Variants in AK5 observed in about 807,000 individuals in gnomAD.
The protein encoded by AK5 is adenylate kinase 5.
Under a neutral mutation model 69.5 loss-of-function variants are expected in AK5, and 27 were observed. The observed-to-expected ratio is 0.39, with a 90% CI of 0.29 to 0.54. AK5 has a LOEUF of 0.54. Among genes scored for constraint, AK5 ranks in the 20% least tolerant of loss-of-function variants. AK5 has a pLI of 0.71. For synonymous variants in AK5, 260 were observed against 244.4 expected (o/e 1.06, Z -0.60); for missense variants, 531 against 700.4 (o/e 0.76, Z 2.73).
At chr1:77,428,669 TG>T (rs1376505812) in intron 8 of AK5, among the ~76,000 whole-genome samples, 1 of 152,178 alleles carries the variant, frequency 6.6e-6, no homozygotes, top group Non-Finnish European at 1.5e-5. Flanking sequence ...TAGTTACGTA[TG>T]TATACATGTG....
At chr1:77,331,437 A>G (rs892299799) in intron 5 of AK5, among the ~76,000 whole-genome samples, 5 of 152,188 alleles carry the variant, frequency 3.3e-5, no homozygotes, top group African/African-American at 1.2e-4. Context: ...GTTAAATATT[A>G]CCAAAGCTTT....
chr1:77,322,496 A>G (rs977520178), intron 5 of AK5, among the ~76,000 whole-genome samples: 2 of 152,210 alleles, frequency 1.3e-5, no homozygotes, highest in Admixed American at 1.3e-4. Flanking sequence ...TTTCTCAATC[A>G]ACTGATGCCA....
chr1:77,518,491 C>T (rs559890085), intron 10 of AK5, 73 bp from the exon 11 acceptor site: 35 of 1,504,114 alleles, frequency 2.3e-5, no homozygotes, highest in Non-Finnish European at 3.1e-5. Flanking sequence ...GAGGCTTGCT[C>T]ACCATGGTGA....
At chr1:77,359,305 A>G (rs2100432893) in intron 6 of AK5, among the ~76,000 whole-genome samples, 1 of 152,232 alleles carries the variant, frequency 6.6e-6, no homozygotes, top group African/African-American at 2.4e-5. Context: ...CTATTAATTT[A>G]TGTTATAGAA....
intron 6 of AK5, among the ~76,000 whole-genome samples, chr1:77,344,507 A>G (rs929891178): frequency 2.6e-5 from 4 of 152,150 alleles, no homozygotes; most frequent in Admixed American, 6.6e-5. Context: ...TAGTTTAGAT[A>G]TTGCTGGATC....
intron 8 of AK5, among the ~76,000 whole-genome samples, chr1:77,420,641 TA>T (rs1650745745): frequency 6.6e-6 from 1 of 152,184 alleles, no homozygotes; most frequent in African/African-American, 2.4e-5. Context: ...CCCAAGACCA[TA>T]AAGCTAGCAA....
intron 6 of AK5, among the ~76,000 whole-genome samples, chr1:77,361,509 T>A (rs1224923442): frequency 6.6e-6 from 1 of 152,206 alleles, no homozygotes; most frequent in Non-Finnish European, 1.5e-5. Context: ...TGAAATAATA[T>A]GTATAAAGCA....
intron 6 of AK5, 92 bp from the exon 7 acceptor site, chr1:77,410,889 A>G: frequency 1.1e-6 from 1 of 923,206 alleles, no homozygotes; most frequent in Non-Finnish European, 1.7e-6. Context: ...TTCATTAGAG[A>G]TACAGTTGTG....
Position 77,300,636 on chromosome 1 carries a change from C to T in AK5, c.699+2689C>T, listed in dbSNP as rs139854688. The stretch of plus-strand genomic sequence containing the variant: ...CAGTTCTCCAATTCTCCAACACCAA[C>T]TGGGTGCCTAAGAATTCAGTTCAAC... On this transcript the variant is annotated intron_variant, in intron 5 of 13. Transcript: ENST00000354567. 6.0e-3 allele frequency among the ~76,000 whole-genome samples: 921 copies of T among 152,296 alleles called. 12 individuals are homozygous for T. The highest frequency in any genetic ancestry group is 0.021 in the African/African-American group (876 of 41,562).
rs556833927 is a variant in AK5, at chr1:77,425,321, C to T, written c.1059+7606C>T. 4.6e-5 allele frequency among the ~76,000 whole-genome samples: 7 copies of T among 152,300 alleles called. No homozygotes were observed. The East Asian group carries it at 5.8e-4, about 13-fold the overall frequency. Reference sequence around the variant, plus strand: ...TGACATAGAGCCAGGCATGGTGGCTCACGCCTGTAATCCCAGCACTTTGGG... The same window carrying T: ...TGACATAGAGCCAGGCATGGTGGCTTACGCCTGTAATCCCAGCACTTTGGG... On this transcript the variant is annotated intron_variant, in intron 8 of 13. Transcript: ENST00000354567.
chr1:77,293,647 C>G, intron 2 of AK5, 146 bp from the exon 3 acceptor site: 1 of 646,836 alleles, frequency 1.5e-6, no homozygotes, highest in Non-Finnish European at 2.5e-6. Flanking sequence ...TACAATAAAG[C>G]CTGCTGACCA....
intron 8 of AK5, among the ~76,000 whole-genome samples, chr1:77,470,615 T>C (rs1654400244): frequency 6.6e-6 from 1 of 151,774 alleles, no homozygotes; most frequent in Non-Finnish European, 1.5e-5. Context: ...GACTGGAAAT[T>C]TTATTTAAGT....
At chr1:77,474,468 T>C (rs796490253) in intron 8 of AK5, among the ~76,000 whole-genome samples, 3 of 152,310 alleles carry the variant, frequency 2.0e-5, no homozygotes, top group African/African-American at 7.2e-5. Context: ...TGAGGAATAA[T>C]GAAAGCAGGA....
intron 13 of AK5, among the ~76,000 whole-genome samples, chr1:77,544,352 AT>A (rs1401399995): frequency 2.0e-5 from 3 of 152,008 alleles, no homozygotes. Context: ...TTTGTAAAAT[AT>A]TTTTCTTTCT....
Position 77,354,399 on chromosome 1 carries a change from A to G in AK5, c.891+13831A>G, listed in dbSNP as rs560425056. On this transcript the variant is annotated intron_variant, in intron 6 of 13. Transcript: ENST00000354567. ...TAAGAGCTCCTATATGAAGTAAGAA[A>G]GCCAACTCTGAATTTAAAGGGATGT... 8.9e-4 allele frequency among the ~76,000 whole-genome samples: 136 copies of G among 152,320 alleles called. 1 individual carries two copies. Among genetic ancestry groups the G allele is most frequent in the African/African-American group, 3.2e-3 (132 of 41,566 alleles).
intron 5 of AK5, among the ~76,000 whole-genome samples, chr1:77,315,748 T>G (rs1232367408): frequency 6.6e-6 from 1 of 152,186 alleles, no homozygotes; most frequent in Non-Finnish European, 1.5e-5. Flanking sequence ...TGCCAAAGAC[T>G]GGTGAAGCTT....
intron 6 of AK5, chr1:77,340,871 G>A (rs1661620552): frequency 4.2e-6 from 1 of 239,744 alleles, no homozygotes; most frequent in Non-Finnish European, 8.1e-6. Flanking sequence ...GTGATTGTAA[G>A]CAATATTTGT....
At chr1:77,545,317 A>G (rs1490084768) in intron 13 of AK5, among the ~76,000 whole-genome samples, 1 of 151,984 alleles carries the variant, frequency 6.6e-6, no homozygotes, top group East Asian at 1.9e-4. Context: ...CTACAGACAC[A>G]CACACACAAC....
intron 8 of AK5, among the ~76,000 whole-genome samples, chr1:77,432,739 G>A (rs1001677969): frequency 3.9e-4 from 60 of 152,170 alleles, no homozygotes; most frequent in Non-Finnish European, 4.1e-4. Context: ...AGTATTAGTG[G>A]AAGCGTAGAC....
Sources: allele counts gnomAD v4.1 joint callset (sites outside exome capture counted in the v4.1 genomes callset), GRCh38; gene constraint gnomAD v4.1.1; transcripts MANE v1.5; gene names NCBI Gene and HGNC (gene_info 2026-07-23, HGNC 2026-07-21).